Variants in NRG4 observed in about 807,000 individuals in gnomAD.
NRG4 encodes pro-neuregulin-4, membrane-bound isoform.
In NRG4, 10 loss-of-function variants were observed where a neutral mutation model predicts 15.0. The observed-to-expected ratio is 0.67, with a 90% CI of 0.41 to 1.13. The LOEUF (loss-of-function observed/expected upper bound fraction) is 1.13, where lower values mean the gene tolerates loss of function less well. NRG4 is among the 50% of genes most tolerant of loss of function. The pLI is 0.00. For missense variants in NRG4, 139 were observed against 140.2 expected, an observed-to-expected ratio of 0.99 and a Z score of 0.04; for synonymous variants, 41 against 50.1, an observed-to-expected ratio of 0.82 and a Z score of 0.77.
chr15:75,992,365 T>C (rs1404482517), intron 3 of NRG4, among the ~76,000 whole-genome samples: 1 of 152,190 alleles, frequency 6.6e-6, no homozygotes, highest in East Asian at 1.9e-4. Context: ...TCCCCTCAGC[T>C]TGGAGACCTT....
chr15:76,030,238 A>C (rs1216148019), intron 5 of NRG4, among the ~76,000 whole-genome samples: 1 of 152,102 alleles, frequency 6.6e-6, no homozygotes, highest in Non-Finnish European at 1.5e-5. Flanking sequence ...CAGCCTAGGC[A>C]ACAGAGTGAG....
chr15:76,017,685 C>T (rs1382362720), intron 5 of NRG4, among the ~76,000 whole-genome samples: 2 of 152,198 alleles, frequency 1.3e-5, no homozygotes, highest in Non-Finnish European at 2.9e-5. Flanking sequence ...TGTAGTGTTT[C>T]TGCAGAGAGA....
At chr15:75,961,012 C>A (rs189412596) in intron 4 of NRG4, among the ~76,000 whole-genome samples, 1 of 152,276 alleles carries the variant, frequency 6.6e-6, no homozygotes, top group East Asian at 1.9e-4. Flanking sequence ...TAACAAGATA[C>A]TATTTTACCT....
At chr15:75,997,500 T>C (rs1427717782) in intron 3 of NRG4, among the ~76,000 whole-genome samples, 1 of 151,862 alleles carries the variant, frequency 6.6e-6, no homozygotes, top group Admixed American at 6.6e-5. Context: ...AATTATTCAG[T>C]CCCAAGGGGC....
intron 5 of NRG4, among the ~76,000 whole-genome samples, chr15:75,954,973 A>T (rs531180142): frequency 6.6e-6 from 1 of 152,110 alleles, no homozygotes; most frequent in African/African-American, 2.4e-5. Context: ...TATCAGGCAA[A>T]CACCTTTCTA....
chr15:75,935,405 ATACTT>A (rs1218730493), downstream of NRG4: 3 of 152,200 alleles, frequency 2.0e-5, no homozygotes, highest in South Asian at 2.1e-4. Flanking sequence ...AGATCATAGA[ATACTT>A]TATTTAATCA....
At chr15:75,970,957 G>C (rs1459993475) in intron 3 of NRG4, among the ~76,000 whole-genome samples, 1 of 152,134 alleles carries the variant, frequency 6.6e-6, no homozygotes, top group African/African-American at 2.4e-5. Context: ...AAGATGACCA[G>C]GTGTCCTGTC....
intron 3 of NRG4, among the ~76,000 whole-genome samples, chr15:75,971,692 T>G (rs2033098945): frequency 6.6e-6 from 1 of 152,158 alleles, no homozygotes; most frequent in Admixed American, 6.5e-5. Flanking sequence ...TTCTTAAAAT[T>G]CCCAGAAAAA....
chr15:75,939,210 TAAGAA>T (rs1018176096), downstream of NRG4: 5 of 151,406 alleles, frequency 3.3e-5, 1 homozygote, highest in Admixed American at 3.3e-4. Flanking sequence ...GTAGATAGAC[TAAGAA>T]AAAAAGGAAG....
upstream of NRG4, among the ~76,000 whole-genome samples, chr15:76,014,086 A>T (rs1251691419): frequency 6.6e-6 from 1 of 152,134 alleles, no homozygotes; most frequent in African/African-American, 2.4e-5. Context: ...CATTTCTCTA[A>T]TGACCAGTGA....
chr15:75,946,578 C>A (rs981759468), intron 5 of NRG4, among the ~76,000 whole-genome samples: 54 of 152,286 alleles, frequency 3.5e-4, no homozygotes, highest in African/African-American at 1.3e-3. Flanking sequence ...CCAGGATGGT[C>A]TCGATCTCCT....
intron 3 of NRG4, among the ~76,000 whole-genome samples, chr15:75,985,717 C>G (rs1429356495): frequency 6.6e-6 from 1 of 152,154 alleles, no homozygotes; most frequent in African/African-American, 2.4e-5. Context: ...TCTGTCAACT[C>G]TATTCTCCAC....
chr15:75,946,510 A>C lies in NRG4; in HGVS notation c.332-2856T>G, dbSNP rs76327141. 1.0e-3 allele frequency among the ~76,000 whole-genome samples: 156 copies of C among 152,242 alleles called. 2 individuals carry two copies. In the East Asian group the frequency reaches 0.03, roughly 29 times the overall value. Reference sequence around the variant, plus strand: ...GTAGCTGGGACTACAGGTGCCCGCCACCACGCCTGGCTAATTTTTTTTGTA... The same window carrying C: ...GTAGCTGGGACTACAGGTGCCCGCCCCCACGCCTGGCTAATTTTTTTTGTA... On this transcript the variant is annotated intron_variant, in intron 5 of 5. Coordinates refer to ENST00000394907, the MANE Select transcript of NRG4 (RefSeq NM_138573.4).
At chr15:76,005,761 T>C in intron 3 of NRG4, 1 of 435,156 alleles carries the variant, frequency 2.3e-6, no homozygotes, top group Non-Finnish European at 4.6e-6. Context: ...TAAGTGGAAG[T>C]AGATCATCAT....
rs187204512 is a variant in NRG4 at position 75,944,840 on chromosome 15, G to A, written c.332-1186C>T. Among the ~76,000 whole-genome samples, 406 of 151,446 alleles carry A rather than the reference G, an allele frequency of 2.7e-3. 2 individuals carry two copies. Among genetic ancestry groups the A allele is most frequent in the Middle Eastern group, 0.01 (3 of 292 alleles). ...TGAGATTGTTCAACCTTGAAAAAAC[G>A]GTCAAATGAACTAATTTTGTCAGCT... On this transcript the variant is annotated intron_variant, in intron 5 of 5. Coordinates refer to ENST00000394907, the MANE Select transcript of NRG4 (RefSeq NM_138573.4).
At chr15:76,032,766 T>C (rs1386632666) in intron 5 of NRG4, among the ~76,000 whole-genome samples, 5 of 152,130 alleles carry the variant, frequency 3.3e-5, no homozygotes, top group African/African-American at 1.2e-4. Context: ...CCTCATATGA[T>C]TGAGTCAACA....
Position 75,977,240 on chromosome 15 carries a change from G to A in NRG4, c.105-15266C>T, listed in dbSNP as rs1487042780. ...TGGCAGCGAGAATTTCAAGCCAGTG[G>A]ACTTTAGCTTGCTGGCCTCCATGGG... On this transcript the variant is annotated intron_variant, in intron 3 of 5. Coordinates refer to ENST00000394907, the MANE Select transcript of NRG4 (RefSeq NM_138573.4). This position sits in a 1 kb window ranked among gnomAD's most constrained non-coding sequence, Gnocchi z 4.9. 6.6e-6 allele frequency among the ~76,000 whole-genome samples: 1 copy of A among 152,190 alleles called. No individual in the cohort carries two copies. Among genetic ancestry groups the A allele is most frequent in the Non-Finnish European group, 1.5e-5 (1 of 68,032 alleles).
At chr15:75,950,516 C>T (rs546892416) in intron 5 of NRG4, 4 of 235,944 alleles carry the variant, frequency 1.7e-5, no homozygotes, top group South Asian at 1.6e-4. Flanking sequence ...GGATCATCCT[C>T]CTCATCCCCC....
In NRG4 at chr15:75,943,547, A is replaced by G; in HGVS notation, c.*91T>C. ...CACAAGCGTTTTATTTAAGAAATAAAGGATTAGATTTTTAATTCTTTTACC... is the reference window on the plus strand; with the variant it reads ...CACAAGCGTTTTATTTAAGAAATAAGGGATTAGATTTTTAATTCTTTTACC... On this transcript the variant is annotated 3_prime_UTR_variant, in exon 6 of 6. Coordinates refer to ENST00000394907, the MANE Select transcript of NRG4 (RefSeq NM_138573.4). 1 of 796,596 alleles carries G rather than the reference A, an allele frequency of 1.3e-6. No homozygotes were observed. The highest frequency in any genetic ancestry group is 2.1e-6 in the Non-Finnish European group (1 of 465,184). The allele number at this position is 796,596 out of a possible 1,614,324, so 49.3% of individuals were successfully genotyped here. A position where few individuals can be genotyped will look rare whatever the true frequency, so the allele number is the denominator to read the frequency against.
Sources: gnomAD v4.1 joint callset for allele counts (sites outside exome capture counted in the v4.1 genomes callset) on GRCh38, gnomAD v4.1.1 for gene constraint, Gnocchi (gnomAD v3.1) non-coding constraint, MANE v1.5 for transcripts, NCBI Gene and HGNC (gene_info 2026-07-23, HGNC 2026-07-21) for gene names.